The following NEK1 variants were observed in gnomAD, a reference collection of about 807,000 sequenced individuals.
The protein encoded by NEK1 is NIMA related kinase 1.
A neutral mutation model predicts 182.1 loss-of-function variants in NEK1; 137 were observed. That is an observed-to-expected ratio of 0.75 (90% CI 0.65 to 0.87). The LOEUF is 0.87. Ranked by LOEUF, NEK1 falls within the 40% of genes least tolerant of loss-of-function variation. The pLI, the probability that NEK1 is intolerant of heterozygous loss-of-function variation, is 0.00. For synonymous variants in NEK1, 513 were observed against 492.2 expected (o/e 1.04, Z -0.56); for missense variants, 1,391 against 1,494.4 (o/e 0.93, Z 1.14).
Position 169,424,947 on chromosome 4 carries a change from T to C in NEK1, c.2975-147A>G. On this transcript the variant is annotated intron_variant, in intron 30 of 35. Transcript: ENST00000507142. Reference sequence around the variant, plus strand: ...AATCAAAATATGTGTGTCAGTATATTACCTTCTGAATAATCTTTAATAGGA... The same window carrying C: ...AATCAAAATATGTGTGTCAGTATATCACCTTCTGAATAATCTTTAATAGGA... 1.5e-5 allele frequency: 10 copies of C among 670,112 alleles called. No homozygotes were observed. The South Asian group carries it at 3.1e-4, about 21-fold the overall frequency. 41.5% of individuals were successfully genotyped at this position (670,112 alleles called of 1,614,324 possible).
At chr4:169,405,707 C>A (rs1732473144) in intron 32 of NEK1, among the ~76,000 whole-genome samples, 2 of 151,018 alleles carry the variant, frequency 1.3e-5, no homozygotes, top group Admixed American at 1.3e-4. Flanking sequence ...GATCATGGCT[C>A]ACTGCTGCCT....
At chr4:169,540,133 C>G (rs1759172309) in intron 18 of NEK1, among the ~76,000 whole-genome samples, 1 of 152,094 alleles carries the variant, frequency 6.6e-6, no homozygotes. Flanking sequence ...TGGCTACTTT[C>G]AAACACAAAC....
intron 27 of NEK1, among the ~76,000 whole-genome samples, chr4:169,461,871 CTAACATA>C (rs1282479823): frequency 4.6e-5 from 7 of 152,082 alleles, no homozygotes; most frequent in African/African-American, 1.7e-4. Context: ...AGCTTACCAT[CTAACATA>C]TAATAGTGAA....
At chr4:169,520,913 TG>T (rs1477998321) in intron 19 of NEK1, among the ~76,000 whole-genome samples, 2 of 5,458 alleles carry the variant, frequency 3.7e-4, no homozygotes, top group African/African-American at 1.5e-3. Context: ...TCTTCAAAGC[TG>T]TCAGACAGGG....
chr4:169,408,215 A>G (rs908433527), intron 31 of NEK1, among the ~76,000 whole-genome samples: 1 of 152,254 alleles, frequency 6.6e-6, no homozygotes, highest in Non-Finnish European at 1.5e-5. Context: ...CTGGTAAAAT[A>G]AACTCAATTC....
intron 16 of NEK1, among the ~76,000 whole-genome samples, chr4:169,558,958 T>C (rs1224980566): frequency 1.3e-5 from 2 of 152,290 alleles, no homozygotes; most frequent in South Asian, 2.1e-4. Flanking sequence ...ATCAACTATG[T>C]AGAAATCAAA....
chr4:169,566,891 C>T lies in NEK1; in HGVS notation c.1021-4695G>A, dbSNP rs1763774547. Reference sequence around the variant, plus strand: ...GGCCGAGGTGGGTGGATCACTTGAGCCCAGGAGTTTGACAATAGCTTGAAC... The same window carrying T: ...GGCCGAGGTGGGTGGATCACTTGAGTCCAGGAGTTTGACAATAGCTTGAAC... On this transcript the variant is annotated intron_variant, in intron 12 of 35. Transcript: ENST00000507142. Among the ~76,000 whole-genome samples, 4 of 151,912 alleles carry T rather than the reference C, an allele frequency of 2.6e-5. No homozygotes were observed. The South Asian group carries it at 8.3e-4, about 32-fold the overall frequency.
At chr4:169,589,797 T>C (rs1768133418) in intron 6 of NEK1, among the ~76,000 whole-genome samples, 1 of 152,086 alleles carries the variant, frequency 6.6e-6, no homozygotes. Flanking sequence ...TTCTTAGATA[T>C]GACGTCAAAA....
At chr4:169,528,477 AAATGAGCTTCTAGAT>A (rs1757211549) in intron 19 of NEK1, among the ~76,000 whole-genome samples, 1 of 152,228 alleles carries the variant, frequency 6.6e-6, no homozygotes, top group South Asian at 2.1e-4. Flanking sequence ...ATTTTTCCTC[AAATGAGCTTCTAGAT>A]AAGAATGCAT....
At chr4:169,607,471 A>AT (rs551317286) in intron 2 of NEK1, among the ~76,000 whole-genome samples, 226 of 151,408 alleles carry the variant, frequency 1.5e-3, no homozygotes, top group Non-Finnish European at 2.6e-3. Flanking sequence ...TTAATTTTTA[A>AT]TTTTTTTTTG....
At chr4:169,499,229 T>C (rs1406506102) in intron 23 of NEK1, among the ~76,000 whole-genome samples, 1 of 152,234 alleles carries the variant, frequency 6.6e-6, no homozygotes, top group Non-Finnish European at 1.5e-5. Flanking sequence ...ACGTAGTTCT[T>C]GTGCCATGAT....
At chr4:169,513,965 T>TATTA (rs1754632440) in intron 19 of NEK1, among the ~76,000 whole-genome samples, 1 of 117,184 alleles carries the variant, frequency 8.5e-6, no homozygotes, top group South Asian at 2.8e-4. Context: ...TGAGGATTTT[T>TATTA]GTTATTTATT....
At chr4:169,437,087 A>C (rs1738553104) in intron 28 of NEK1, among the ~76,000 whole-genome samples, 1 of 152,192 alleles carries the variant, frequency 6.6e-6, no homozygotes, top group South Asian at 2.1e-4. Context: ...CAGGCTGACA[A>C]TGCTATTCCT....
At chr4:169,574,621 A>T (rs1030949595) in intron 12 of NEK1, among the ~76,000 whole-genome samples, 2 of 151,880 alleles carry the variant, frequency 1.3e-5, no homozygotes, top group Non-Finnish European at 2.9e-5. Context: ...GAAAAAAAAA[A>T]AAAAAAAAGA....
chr4:169,456,790 G>A (rs936956292), intron 27 of NEK1, among the ~76,000 whole-genome samples: 6 of 152,112 alleles, frequency 3.9e-5, no homozygotes, highest in Non-Finnish European at 5.9e-5. Context: ...TTACAACAGC[G>A]AAGATTTAGA....
At chr4:169,420,348 AATG>A (rs1650302310) in intron 31 of NEK1, among the ~76,000 whole-genome samples, 1 of 152,178 alleles carries the variant, frequency 6.6e-6, no homozygotes, top group Admixed American at 6.5e-5. Flanking sequence ...ACTCCAAAAT[AATG>A]ATAAAAAGTA....
chr4:169,434,625 C>T (rs1414046650), intron 28 of NEK1, among the ~76,000 whole-genome samples: 1 of 152,138 alleles, frequency 6.6e-6, no homozygotes, highest in East Asian at 1.9e-4. Context: ...TTGTTAACTT[C>T]TCTTTTTCCT....
intron 26 of NEK1, among the ~76,000 whole-genome samples, chr4:169,465,952 A>C (rs184434082): frequency 8.8e-4 from 134 of 152,250 alleles, no homozygotes; most frequent in African/African-American, 3.0e-3. Flanking sequence ...GGACACCCCC[A>C]AAAAATTATC....
intron 18 of NEK1, among the ~76,000 whole-genome samples, chr4:169,543,572 T>C (rs538892475): frequency 5.8e-4 from 89 of 152,332 alleles, no homozygotes; most frequent in African/African-American, 2.1e-3. Context: ...TAAATTACTT[T>C]GGGCAGTATA....
Sources: gnomAD v4.1 joint callset for allele counts (sites outside exome capture counted in the v4.1 genomes callset) on GRCh38, gnomAD v4.1.1 for gene constraint, MANE v1.5 for transcripts, NCBI Gene and HGNC (gene_info 2026-07-23, HGNC 2026-07-21) for gene names.